ANXA13: variants seen among roughly 807,000 people sequenced by gnomAD.
The protein encoded by ANXA13 is annexin XIII.
Under a neutral mutation model 46.6 loss-of-function variants are expected in ANXA13, and 36 were observed. That is an observed-to-expected ratio of 0.77 (90% confidence interval 0.59 to 1.02). The LOEUF (loss-of-function observed/expected upper bound fraction) is 1.02, where lower values mean the gene tolerates loss of function less well. Ranked by LOEUF, ANXA13 falls within the 50% of genes least tolerant of loss-of-function variation. ANXA13 has a pLI of 0.00. For synonymous variants in ANXA13, 163 were observed against 152.9 expected (o/e 1.07, Z -0.49); for missense variants, 417 against 396.5 (o/e 1.05, Z -0.44).
At position 123,690,077 on chromosome 8, in the gene ANXA13, C is replaced by A. The variant is rs763269644; in HGVS notation, c.643-1131G>T. On this transcript the variant is annotated intron_variant, in intron 8 of 10. Coordinates refer to ENST00000419625, the MANE Select transcript of ANXA13 (RefSeq NM_004306.4). This position sits in a 1 kb window ranked among gnomAD's most constrained non-coding sequence, Gnocchi z 4.6. ...CAGATTAGAAGAGTGGGGGAACTGT[C>A]CCTTCCTTAGCTGCCCCCAGTCTTT... 6.6e-6 allele frequency among the ~76,000 whole-genome samples: 1 copy of A among 152,084 alleles called. No homozygotes were observed. Among genetic ancestry groups the A allele is most frequent in the Non-Finnish European group, 1.5e-5 (1 of 68,020 alleles).
At position 123,690,818 on chromosome 8, in the gene ANXA13, C is replaced by T. The variant is rs1404219354; in HGVS notation, c.643-1872G>A. ...ATGGACGGCACGCTGACAGCAGAGC[C>T]CTCTGTGCTCTGGCACTGACTATAG... On this transcript the variant is annotated intron_variant, in intron 8 of 10. Coordinates refer to ENST00000419625, the MANE Select transcript of ANXA13 (RefSeq NM_004306.4). This position sits in a 1 kb window ranked among gnomAD's most constrained non-coding sequence, Gnocchi z 4.6. Among the ~76,000 whole-genome samples the T allele has an allele frequency of 1.3e-5, 2 of 152,144 alleles. No homozygotes were observed. Among genetic ancestry groups the T allele is most frequent in the Non-Finnish European group, 2.9e-5 (2 of 68,040 alleles).
At position 123,712,684 on chromosome 8, in the gene ANXA13, C is replaced by G. The variant is rs1344111565; in HGVS notation, c.85G>C (p.Gly29Arg). ...AACAAAATATCTCTCATACCCATTC[C>G]TTTGCAGGCTTTGTTCAGCTTTTTG... The part of the protein sequence containing the change: ...DAKKLNKACK[G>R]MGTNEAAIIE... Residue 29 changes from glycine (G) to arginine (R), a missense_variant, in exon 2 of 11, where the codon GGA becomes CGA. By Grantham distance (125) the Gly-to-Arg change is moderately radical (BLOSUM62 -2). Coordinates refer to ENST00000419625, the MANE Select transcript of ANXA13 (RefSeq NM_004306.4). 1 of 1,614,136 alleles carries G rather than the reference C, an allele frequency of 6.2e-7. No individual in the cohort carries two copies. Among genetic ancestry groups the G allele is most frequent in the East Asian group, 2.2e-5 (1 of 44,884 alleles).
At chr8:123,730,214 C>G (rs1411596684) in intron 1 of ANXA13, among the ~76,000 whole-genome samples, 2 of 152,186 alleles carry the variant, frequency 1.3e-5, no homozygotes, top group Non-Finnish European at 2.9e-5. Flanking sequence ...CCACTAGCTT[C>G]CAGCATGGTC....
intron 3 of ANXA13, among the ~76,000 whole-genome samples, chr8:123,700,465 ATCT>A (rs1237237303): frequency 2.6e-5 from 4 of 152,184 alleles, no homozygotes; most frequent in Non-Finnish European, 4.4e-5. Flanking sequence ...CATACCTAAC[ATCT>A]TCTAGCTTTG....
At chr8:123,712,870 C>A in intron 1 of ANXA13, 117 bp from the exon 2 acceptor site, 1 of 820,838 alleles carries the variant, frequency 1.2e-6, no homozygotes, top group Non-Finnish European at 2.0e-6. Flanking sequence ...GACCAGCTGT[C>A]ACTTCACACA....
intron 10 of ANXA13, among the ~76,000 whole-genome samples, chr8:123,683,555 G>A (rs1166675780): frequency 6.7e-6 from 1 of 149,128 alleles, no homozygotes; most frequent in African/African-American, 2.5e-5. Context: ...TCTGTCTGTG[G>A]CCCCATATCC....
intron 8 of ANXA13, 53 bp from the exon 9 acceptor site, chr8:123,688,999 T>G (rs2129830136): frequency 1.9e-6 from 3 of 1,566,280 alleles, no homozygotes; most frequent in Non-Finnish European, 2.6e-6. Context: ...TTGACCTTAG[T>G]ACTCTTGGGG....
At chr8:123,710,008 C>T (rs1813625628) in intron 2 of ANXA13, among the ~76,000 whole-genome samples, 1 of 152,192 alleles carries the variant, frequency 6.6e-6, no homozygotes, top group East Asian at 1.9e-4. Context: ...ATCCACCTGC[C>T]TTGGCCTCCC....
chr8:123,683,910 C>G (rs1490927868), intron 10 of ANXA13, among the ~76,000 whole-genome samples: 1 of 152,118 alleles, frequency 6.6e-6, no homozygotes, highest in African/African-American at 2.4e-5. Context: ...ACGGCTGCTC[C>G]CAAGCCGTTG....
chr8:123,726,670 A>T (rs1238795358), intron 1 of ANXA13, among the ~76,000 whole-genome samples: 2 of 152,220 alleles, frequency 1.3e-5, no homozygotes, highest in Non-Finnish European at 1.5e-5. Context: ...CTGGTATAAG[A>T]ACTACTATTT....
chr8:123,699,793 C>T (rs192116894), intron 3 of ANXA13, among the ~76,000 whole-genome samples: 56 of 152,340 alleles, frequency 3.7e-4, no homozygotes, highest in African/African-American at 1.3e-3. Flanking sequence ...AACACAGCCA[C>T]AGTACCTTTG....
chr8:123,714,855 C>T (rs893389545), intron 1 of ANXA13, among the ~76,000 whole-genome samples: 5 of 152,214 alleles, frequency 3.3e-5, no homozygotes. Flanking sequence ...GTGGGCATTA[C>T]TAGTCTGCCT....
rs1244297031 is a variant in ANXA13, at chr8:123,688,851, C to G, written c.718+20G>C. ...CAGGCAGCCCAACCTAAGACAGGAG[C>G]TCTCCTAACTTTACTTTACCGAGAG... is the stretch of plus-strand genomic sequence containing the variant. On this transcript the variant is annotated intron_variant, in intron 9 of 10. Transcript: ENST00000419625. 2 of 1,611,184 alleles carry G rather than the reference C, an allele frequency of 1.2e-6. No individual in the cohort carries two copies. Among genetic ancestry groups the G allele is most frequent in the East Asian group, 2.2e-5 (1 of 44,850 alleles).
intron 9 of ANXA13, among the ~76,000 whole-genome samples, chr8:123,686,270 C>T (rs1340712438): frequency 6.6e-6 from 1 of 151,894 alleles, no homozygotes; most frequent in Non-Finnish European, 1.5e-5. Flanking sequence ...GTCAGGAGTT[C>T]GAGACCAGCC....
chr8:123,691,613 C>T (rs1229138017), intron 8 of ANXA13, among the ~76,000 whole-genome samples: 1 of 152,082 alleles, frequency 6.6e-6, no homozygotes, highest in East Asian at 1.9e-4. Context: ...TTTGGGAAAC[C>T]GAGGCACAGA....
intron 1 of ANXA13, among the ~76,000 whole-genome samples, chr8:123,718,609 G>A (rs1244816051): frequency 1.3e-5 from 2 of 152,226 alleles, no homozygotes; most frequent in Non-Finnish European, 2.9e-5. Context: ...GAACAAGGCA[G>A]CACTGGTGCT....
chr8:123,684,566 AAG>A, intron 10 of ANXA13, 42 bp downstream of exon 10: 1 of 1,358,588 alleles, frequency 7.4e-7, no homozygotes, highest in Non-Finnish European at 1.1e-6. Context: ...TGGTGGAAAA[AAG>A]AGAAGTTGCA....
intron 1 of ANXA13, among the ~76,000 whole-genome samples, chr8:123,728,907 G>A (rs1158686630): frequency 6.6e-6 from 1 of 151,526 alleles, no homozygotes; most frequent in African/African-American, 2.4e-5. Context: ...AACCATCCAA[G>A]TCCCCATTAT....
At chr8:123,718,537 G>C (rs1307397391) in intron 1 of ANXA13, among the ~76,000 whole-genome samples, 1 of 152,200 alleles carries the variant, frequency 6.6e-6, no homozygotes, top group East Asian at 1.9e-4. Flanking sequence ...ATCATGCCTG[G>C]ACCTCAGGTC....
Sources: allele counts gnomAD v4.1 joint callset (sites outside exome capture counted in the v4.1 genomes callset), GRCh38; gene constraint gnomAD v4.1.1; non-coding constraint Gnocchi (gnomAD v3.1); transcripts MANE v1.5; gene names NCBI Gene and HGNC (gene_info 2026-07-23, HGNC 2026-07-21).